AKR1C3: variants seen among roughly 807,000 people sequenced by gnomAD.
AKR1C3 encodes the protein aldo-keto reductase family 1 member C3.
AKR1C3 carries 48 observed loss-of-function variants against 43.6 expected under a neutral mutation model. The observed-to-expected ratio is 1.10, with a 90% CI of 0.87 to 1.40. The LOEUF is 1.40. Ranked by LOEUF, AKR1C3 falls within the 40% of genes most tolerant of loss-of-function variation. The probability of loss-of-function intolerance (pLI) is 0.00; values close to 1 mark genes in which losing one functional copy is unlikely to be tolerated. For synonymous variants in AKR1C3, 162 were observed against 139.6 expected (o/e 1.16, Z -1.13); for missense variants, 482 against 391.2 (o/e 1.23, Z -1.96).
chr10:5,101,174 T>C (rs1839339501), intron 5 of AKR1C3, among the ~76,000 whole-genome samples: 2 of 152,202 alleles, frequency 1.3e-5, no homozygotes, highest in Admixed American at 1.3e-4. Flanking sequence ...TGTGAGCTGA[T>C]CTGTTCTTTA....
intron 1 of AKR1C3, among the ~76,000 whole-genome samples, chr10:5,058,347 T>C (rs1463930470): frequency 6.6e-6 from 1 of 152,176 alleles, no homozygotes; most frequent in African/African-American, 2.4e-5. Context: ...AGTATTGTAA[T>C]TTGTACTTCC....
chr10:5,103,351 C>A (rs1273473445), intron 7 of AKR1C3, among the ~76,000 whole-genome samples: 1 of 151,824 alleles, frequency 6.6e-6, no homozygotes, highest in Non-Finnish European at 1.5e-5. Flanking sequence ...CTTTCTTTGA[C>A]TCTTAGTTGC....
At chr10:5,054,395 G>C (rs1200987424) in intron 1 of AKR1C3, among the ~76,000 whole-genome samples, 1 of 152,164 alleles carries the variant, frequency 6.6e-6, no homozygotes, top group Non-Finnish European at 1.5e-5. Context: ...GCTCTGCACT[G>C]ACGGACTTGA....
At chr10:5,059,036 A>C (rs116286125) in intron 1 of AKR1C3, among the ~76,000 whole-genome samples, 5,403 of 152,246 alleles carry the variant, frequency 0.035, 120 homozygotes, top group Middle Eastern at 0.061. Context: ...TTTTGTCTTT[A>C]CTTATATGAA....
At chr10:5,072,620 A>G (rs1318684785) in intron 1 of AKR1C3, among the ~76,000 whole-genome samples, 4 of 152,322 alleles carry the variant, frequency 2.6e-5, no homozygotes, top group South Asian at 2.1e-4. Context: ...TCCTATCTCC[A>G]TGGGCCCCTT....
chr10:5,081,221 A>G (rs1554782315), intron 1 of AKR1C3, among the ~76,000 whole-genome samples: 1 of 152,172 alleles, frequency 6.6e-6, no homozygotes, highest in African/African-American at 2.4e-5. Context: ...AGCAGCTATA[A>G]GAAAGTGGCC....
At chr10:5,084,983 A>T (rs1838929497) in intron 1 of AKR1C3, among the ~76,000 whole-genome samples, 1 of 152,150 alleles carries the variant, frequency 6.6e-6, no homozygotes, top group South Asian at 2.1e-4. Flanking sequence ...TTGGGCTGAG[A>T]CAATGGGGTT....
intron 1 of AKR1C3, among the ~76,000 whole-genome samples, chr10:5,049,807 C>A (rs1265946233): frequency 6.6e-6 from 1 of 152,276 alleles, no homozygotes; most frequent in East Asian, 1.9e-4. Context: ...TTCCATGTAC[C>A]TTTGTCCCTG....
At chr10:5,063,346 C>A (rs1838420496) in intron 1 of AKR1C3, among the ~76,000 whole-genome samples, 1 of 152,080 alleles carries the variant, frequency 6.6e-6, no homozygotes, top group Non-Finnish European at 1.5e-5. Context: ...AATCGTATGT[C>A]ATCCCCACAG....
At chr10:5,055,902 C>A (rs963816614) in intron 1 of AKR1C3, among the ~76,000 whole-genome samples, 3 of 152,194 alleles carry the variant, frequency 2.0e-5, no homozygotes, top group African/African-American at 7.2e-5. Context: ...ACCCCCTCAA[C>A]TGTTTTAATG....
chr10:5,078,779 C>T (rs1000531978), intron 1 of AKR1C3, among the ~76,000 whole-genome samples: 3 of 152,184 alleles, frequency 2.0e-5, no homozygotes, highest in Non-Finnish European at 4.4e-5. Context: ...TTGTGAATAG[C>T]ATGGTAAGTT....
At chr10:5,082,776 C>A (rs947886988) in intron 1 of AKR1C3, among the ~76,000 whole-genome samples, 5 of 152,008 alleles carry the variant, frequency 3.3e-5, no homozygotes, top group Non-Finnish European at 7.4e-5. Flanking sequence ...TCTGTTTTTG[C>A]CTGATTTTGG....
intron 1 of AKR1C3, among the ~76,000 whole-genome samples, chr10:5,067,226 C>G (rs1284535600): frequency 7.9e-5 from 12 of 152,136 alleles, no homozygotes; most frequent in Admixed American, 7.2e-4. Flanking sequence ...TTTTCCATTT[C>G]TATTGTTCAG....
chr10:5,074,914 T>C (rs1319244488), intron 1 of AKR1C3, among the ~76,000 whole-genome samples: 2 of 152,196 alleles, frequency 1.3e-5, no homozygotes, highest in Non-Finnish European at 1.5e-5. Context: ...AGAGTCCCCA[T>C]ATTTTTCCTC....
chr10:5,101,955 T>C (rs886424939), intron 5 of AKR1C3, 146 bp from the exon 6 acceptor site: 2 of 568,430 alleles, frequency 3.5e-6, no homozygotes, highest in East Asian at 3.0e-5. Flanking sequence ...TTTATTTCTA[T>C]GAAAAAGGTT....
intron 1 of AKR1C3, among the ~76,000 whole-genome samples, chr10:5,068,232 A>G (rs72772190): frequency 0.15 from 22,598 of 152,124 alleles, 1,809 homozygotes; most frequent in South Asian, 0.23. Context: ...ATTCCATATA[A>G]TCTTAGAACA....
At chr10:5,098,957 TG>T in intron 4 of AKR1C3, 78 bp downstream of exon 4, 1 of 1,179,526 alleles carries the variant, frequency 8.5e-7, no homozygotes, top group Non-Finnish European at 1.2e-6. Context: ...TAGGAAAGAA[TG>T]GAATATGCAC....
chr10:5,050,514 CAAGT>C (rs1461705517), intron 1 of AKR1C3, among the ~76,000 whole-genome samples: 1 of 151,616 alleles, frequency 6.6e-6, no homozygotes, highest in Non-Finnish European at 1.5e-5. Context: ...GAGATTTTAA[CAAGT>C]AATAGAGATG....
intron 1 of AKR1C3, 69 bp from the exon 2 acceptor site, chr10:5,096,341 C>G: frequency 6.5e-7 from 1 of 1,539,352 alleles, no homozygotes; most frequent in Non-Finnish European, 8.8e-7. Flanking sequence ...GTATAAAAGT[C>G]AATGCTTGTG....
Sources: gnomAD v4.1 joint callset for allele counts (sites outside exome capture counted in the v4.1 genomes callset) on GRCh38, gnomAD v4.1.1 for gene constraint, MANE v1.5 for transcripts, NCBI Gene and HGNC (gene_info 2026-07-23, HGNC 2026-07-21) for gene names.